CREBBP: variants seen among roughly 807,000 people sequenced by gnomAD.
The protein encoded by CREBBP is CREB-binding protein.
CREBBP carries 19 observed loss-of-function variants against 265.0 expected under a neutral mutation model. That is an observed-to-expected ratio of 0.07 (90% CI 0.05 to 0.11). The LOEUF (loss-of-function observed/expected upper bound fraction) is 0.11. CREBBP is among the 10% of genes least tolerant of loss of function. The probability of loss-of-function intolerance (pLI) is 1.00; values close to 1 mark genes in which losing one functional copy is unlikely to be tolerated. For synonymous variants in CREBBP, 1,457 were observed against 1,223.7 expected (o/e 1.19, Z -3.98); for missense variants, 2,525 against 3,219.0 (o/e 0.78, Z 5.22).
At chr16:3,872,934 T>C (rs1433018216) in intron 1 of CREBBP, among the ~76,000 whole-genome samples, 1 of 152,244 alleles carries the variant, frequency 6.6e-6, no homozygotes, top group African/African-American at 2.4e-5. Context: ...GCCCTGGACT[T>C]CTGCACACGG....
chr16:3,757,035 CT>C (rs200241989), intron 19 of CREBBP, among the ~76,000 whole-genome samples: 1 of 151,560 alleles, frequency 6.6e-6, no homozygotes, highest in Non-Finnish European at 1.5e-5. Flanking sequence ...CACTTTTTCT[CT>C]TTTTTTTTCT....
At position 3,752,455 on chromosome 16, in the gene CREBBP, G is replaced by GT. The variant is rs58414601; in HGVS notation, c.3699-650dup. Reference sequence around the variant, plus strand: ...CCAGAACTGATTTTAATTTTTTCCTGTTTTTTTTTTTTTCATGTTAATCAT... The same window carrying GT: ...CCAGAACTGATTTTAATTTTTTCCTGTTTTTTTTTTTTTTCATGTTAATCAT... On this transcript the variant is annotated intron_variant, in intron 19 of 30. Transcript: ENST00000262367. 7.0e-3 allele frequency among the ~76,000 whole-genome samples: 976 copies of GT among 139,946 alleles called. 5 individuals carry two copies. Among genetic ancestry groups the GT allele is most frequent in the Admixed American group, 0.024 (335 of 13,988 alleles). 91.8% of individuals were successfully genotyped at this position (139,946 alleles called of 152,430 possible). A position where few individuals can be genotyped will look rare whatever the true frequency, so the allele number is the denominator to read the frequency against.
At chr16:3,788,331 A>G (rs765624086) in intron 5 of CREBBP, among the ~76,000 whole-genome samples, 2 of 152,236 alleles carry the variant, frequency 1.3e-5, no homozygotes, top group South Asian at 2.1e-4. Flanking sequence ...AGGTTTTAAT[A>G]TAAGAGGTCT....
At chr16:3,768,233 C>A (rs765507600) in intron 15 of CREBBP, among the ~76,000 whole-genome samples, 55 of 147,390 alleles carry the variant, frequency 3.7e-4, no homozygotes, top group Non-Finnish European at 5.3e-4. Flanking sequence ...GCAACCTCCC[C>A]CTCCTGGGTT....
At position 3,819,519 on chromosome 16, in the gene CREBBP, G is replaced by A. The variant is rs142631999; in HGVS notation, c.799-8740C>T. ...TACAGAGAACGTGTAATGGTGGAGAGTGGTTCCAACATGTAGGACGATAGG... is the reference window on the plus strand; with the variant it reads ...TACAGAGAACGTGTAATGGTGGAGAATGGTTCCAACATGTAGGACGATAGG... On this transcript the variant is annotated intron_variant, in intron 2 of 30. Coordinates refer to ENST00000262367, the MANE Select transcript of CREBBP (RefSeq NM_004380.3). Among the ~76,000 whole-genome samples, 614 of 152,318 alleles carry A rather than the reference G, an allele frequency of 4.0e-3. 4 individuals are homozygous for A. The highest frequency in any genetic ancestry group is 0.014 in the African/African-American group (589 of 41,560).
chr16:3,733,383 C>T (rs1596796735), intron 28 of CREBBP, among the ~76,000 whole-genome samples: 1 of 149,516 alleles, frequency 6.7e-6, no homozygotes, highest in Non-Finnish European at 1.5e-5. Flanking sequence ...AAAAAAATTC[C>T]CACCCCACCG....
At chr16:3,849,409 GT>G (rs2054739291) in intron 2 of CREBBP, among the ~76,000 whole-genome samples, 3 of 5,234 alleles carry the variant, frequency 5.7e-4, no homozygotes, top group Non-Finnish European at 7.0e-3. Flanking sequence ...GTGTGTGTGT[GT>G]GTGTGTGTGT....
At chr16:3,778,618 T>C in intron 9 of CREBBP, 82 bp downstream of exon 9, 2 of 1,177,348 alleles carry the variant, frequency 1.7e-6, no homozygotes, top group Non-Finnish European at 2.6e-6. Flanking sequence ...GATTCCACTA[T>C]TTCCAGATAA....
chr16:3,728,592 G>T lies in CREBBP; in HGVS notation c.6455C>A (p.Pro2152His). The T allele has an allele frequency of 2.5e-6, 4 of 1,613,856 alleles. No individual in the cohort carries two copies. The highest frequency in any genetic ancestry group is 3.4e-6 in the Non-Finnish European group (4 of 1,179,962). The part of the protein sequence containing the change: ...LNAMQAGVPR[P>H]GVPPQQQAMG... ...CGCCTGCTGCTGTGGAGGCACACCG[G>T]GCCGCGGCACGCCAGCCTGCATGGC... The change falls in exon 31 of 31, where the codon CCC becomes CAC. Residue 2152 changes from proline to histidine, a missense_variant. Pro to His is a moderately conservative substitution (Grantham distance 77). Coordinates refer to ENST00000262367, the MANE Select transcript of CREBBP (RefSeq NM_004380.3). The surrounding 1 kb of genome is among the most constrained non-coding windows in gnomAD (Gnocchi z 8.7).
At chr16:3,782,264 G>T (rs571682113) in intron 6 of CREBBP, among the ~76,000 whole-genome samples, 3 of 152,288 alleles carry the variant, frequency 2.0e-5, no homozygotes, top group Admixed American at 2.0e-4. Flanking sequence ...TTAACCTGCT[G>T]AAGTCCAGGC....
chr16:3,778,048 G>T lies in CREBBP; in HGVS notation c.2076C>A (p.Pro692=). ...QPALPAPGAQ[P]PVIPQAQPVR... The stretch of plus-strand genomic sequence containing the variant: ...CAGGTTGTGCCTGTGGAATCACAGG[G>T]GGCTGAGCCCCCGGGGCTGGTAAGG... Residue 692 remains proline (P), a synonymous_variant, in exon 10 of 31, where the codon CCC becomes CCA. Coordinates refer to ENST00000262367, the MANE Select transcript of CREBBP (RefSeq NM_004380.3). 1 of 1,614,184 alleles carries T rather than the reference G, an allele frequency of 6.2e-7. No individual in the cohort carries two copies. Among genetic ancestry groups the T allele is most frequent in the Non-Finnish European group, 8.5e-7 (1 of 1,180,004 alleles).
At chr16:3,846,438 A>C (rs984073437) in intron 2 of CREBBP, among the ~76,000 whole-genome samples, 2 of 152,254 alleles carry the variant, frequency 1.3e-5, no homozygotes, top group African/African-American at 4.8e-5. Flanking sequence ...CTTTTAATTC[A>C]GAAATTGCAT....
chr16:3,776,045 T>A (rs2053130967), intron 11 of CREBBP, among the ~76,000 whole-genome samples: 2 of 152,166 alleles, frequency 1.3e-5, no homozygotes, highest in African/African-American at 4.8e-5. Flanking sequence ...GCCTCCCGCG[T>A]AGCTGGGATT....
At chr16:3,811,580 C>T (rs533598588) in intron 2 of CREBBP, among the ~76,000 whole-genome samples, 3 of 152,292 alleles carry the variant, frequency 2.0e-5, no homozygotes, top group South Asian at 4.2e-4. Flanking sequence ...CAACCTCTAC[C>T]GCCTGGGTTC....
chr16:3,849,433 GTGTGT>G lies in CREBBP; in HGVS notation c.798+859_798+863del, dbSNP rs2054754911. Among the ~76,000 whole-genome samples the G allele has an allele frequency of 3.4e-3, 48 of 14,322 alleles. 2 individuals are homozygous for G. Among genetic ancestry groups the G allele is most frequent in the South Asian group, 0.015 (4 of 274 alleles). 9.4% of individuals were successfully genotyped at this position (14,322 alleles called of 152,430 possible). On this transcript the variant is annotated intron_variant, in intron 2 of 30. Coordinates refer to ENST00000262367, the MANE Select transcript of CREBBP (RefSeq NM_004380.3). Reference sequence around the variant, plus strand: ...TGTGTGTGTGTGTGTGTGTGTGTGTGTGTGTGTGTGTGTGTGTGTGTGTGTGTGTG... The same window carrying G: ...TGTGTGTGTGTGTGTGTGTGTGTGTGGTGTGTGTGTGTGTGTGTGTGTGTG...
chr16:3,727,698 A>C lies in CREBBP; in HGVS notation c.*20T>G. On this transcript the variant is annotated 3_prime_UTR_variant, in exon 31 of 31. Transcript: ENST00000262367. ...AAAGGTCCAAGAACATGAAAGGGAA[A>C]AGGTGATGCTCTCACAATGCTACAA... 6.2e-7 allele frequency: 1 copy of C among 1,614,032 alleles called. No individual in the cohort carries two copies. Among genetic ancestry groups the C allele is most frequent in the Non-Finnish European group, 8.5e-7 (1 of 1,180,022 alleles).
intron 2 of CREBBP, among the ~76,000 whole-genome samples, chr16:3,837,545 G>A (rs1404741448): frequency 1.3e-5 from 2 of 151,852 alleles, no homozygotes; most frequent in Non-Finnish European, 2.9e-5. Flanking sequence ...GAACCCGGGA[G>A]GCGGAGGTTG....
intron 2 of CREBBP, among the ~76,000 whole-genome samples, chr16:3,819,056 G>A (rs1330030753): frequency 6.6e-6 from 1 of 152,278 alleles, no homozygotes; most frequent in Non-Finnish European, 1.5e-5. Context: ...GACAGAGACA[G>A]GATCTGTCTA....
rs1008437529 is a variant in CREBBP, at chr16:3,766,314, G to A, written c.3250+1406C>T. On this transcript the variant is annotated intron_variant, in intron 16 of 30. Transcript: ENST00000262367. The stretch of plus-strand genomic sequence containing the variant: ...ATCCACAATCAGCTGAAAGGGCTAC[G>A]AAAATACTTCTCCCTTTACCAACTA... 4.6e-5 allele frequency among the ~76,000 whole-genome samples: 7 copies of A among 152,160 alleles called. No homozygotes were observed. The East Asian group carries it at 7.7e-4, about 17-fold the overall frequency.
Sources: allele counts gnomAD v4.1 joint callset (sites outside exome capture counted in the v4.1 genomes callset), GRCh38; gene constraint gnomAD v4.1.1; non-coding constraint Gnocchi (gnomAD v3.1); transcripts MANE v1.5; gene names NCBI Gene and HGNC (gene_info 2026-07-23, HGNC 2026-07-21).